PCDHGA8: variants seen among roughly 807,000 people sequenced by gnomAD.
PCDHGA8 encodes protocadherin gamma-A8.
PCDHGA8 carries 45 observed loss-of-function variants against 59.2 expected under a neutral mutation model. The ratio of observed to expected loss-of-function variants is 0.76; its 90% CI spans 0.60 to 0.98. PCDHGA8 has a LOEUF of 0.98. Ranked by LOEUF, PCDHGA8 falls within the 50% of genes least tolerant of loss-of-function variation. The pLI is 0.00. For synonymous variants in PCDHGA8, 531 were observed against 519.0 expected (o/e 1.02, Z -0.32); for missense variants, 1,257 against 1,196.2 (o/e 1.05, Z -0.75).
At chr5:141,457,736 T>G (rs1265562501) in intron 1 of PCDHGA8, among the ~76,000 whole-genome samples, 1 of 152,254 alleles carries the variant, frequency 6.6e-6, no homozygotes, top group African/African-American at 2.4e-5. Flanking sequence ...AGATTAGACT[T>G]TTAAAGCTGA....
intron 1 of PCDHGA8, chr5:141,441,206 C>T (rs750648706): frequency 3.3e-5 from 5 of 152,150 alleles, no homozygotes; most frequent in African/African-American, 4.8e-5. Context: ...GATTCTGCAC[C>T]TTGGACAGTA....
chr5:141,494,729 C>T (rs2099756368), intron 1 of PCDHGA8, 78 bp from the exon 2 acceptor site: 31 of 1,610,050 alleles, frequency 1.9e-5, no homozygotes, highest in Admixed American at 3.3e-5. Flanking sequence ...CCTTCTCTCC[C>T]GGCCCATCCC....
intron 1 of PCDHGA8, among the ~76,000 whole-genome samples, chr5:141,483,725 C>T (rs903001715): frequency 1.3e-5 from 2 of 152,008 alleles, no homozygotes; most frequent in Non-Finnish European, 1.5e-5. Context: ...TGGTTCCCAC[C>T]ATAGTCAAAA....
intron 1 of PCDHGA8, among the ~76,000 whole-genome samples, chr5:141,465,140 G>A (rs1019369475): frequency 5.3e-5 from 8 of 151,554 alleles, no homozygotes; most frequent in Non-Finnish European, 7.4e-5. Context: ...AAGTTTAGGG[G>A]ATATATGAAG....
intron 1 of PCDHGA8, chr5:141,399,730 T>G: frequency 2.5e-6 from 4 of 1,613,266 alleles, no homozygotes; most frequent in Non-Finnish European, 8.5e-7. Context: ...CGACCAGGGC[T>G]CGCCTGCGCT....
At chr5:141,408,115 C>T (rs2095044760) in intron 1 of PCDHGA8, 1 of 1,461,312 alleles carries the variant, frequency 6.8e-7, no homozygotes, top group Non-Finnish European at 9.1e-7. Context: ...GGGACTCCTC[C>T]TGTCCTGGGC....
chr5:141,420,076 T>TC, intron 1 of PCDHGA8: 1 of 1,613,956 alleles, frequency 6.2e-7, no homozygotes, highest in Non-Finnish European at 8.5e-7. Context: ...GACCTGTGGG[T>TC]CCCCCCAACT....
At chr5:141,418,621 C>G (rs765634746) in intron 1 of PCDHGA8, 2 of 1,613,916 alleles carry the variant, frequency 1.2e-6, no homozygotes, top group Non-Finnish European at 1.7e-6. Flanking sequence ...TTCGGGAAGA[C>G]GTGCCTCCAG....
chr5:141,489,151 A>G lies in PCDHGA8; in HGVS notation c.2425-5656A>G. On this transcript the variant is annotated intron_variant, in intron 1 of 3. Transcript: ENST00000398604. This position sits in a 1 kb window ranked among gnomAD's most constrained non-coding sequence, Gnocchi z 4.5. ...TTTTTAAGAGGCTGGAAGGAGACAT[A>G]AGAGACTTCAGCTGCTGCATTCCAA... is the stretch of plus-strand genomic sequence containing the variant. The G allele has an allele frequency of 4.3e-6, 4 of 932,968 alleles. No individual in the cohort carries two copies. Among genetic ancestry groups the G allele is most frequent in the Non-Finnish European group, 6.4e-6 (4 of 622,052 alleles). 57.8% of individuals were successfully genotyped at this position (932,968 alleles called of 1,614,324 possible).
Position 141,393,579 on chromosome 5 carries a change from C to A in PCDHGA8, c.766C>A (p.Pro256Thr). ...CCGAGTGAAAGTCCTTGAGAACATG[C>A]CCCCAGGCACGCGGCTGCTTACTGT... ...IYRVKVLENM[P>T]PGTRLLTVTA... The change falls in exon 1 of 4, where the codon CCC (proline) becomes ACC (threonine). Residue 256 changes from proline to threonine, a missense_variant. Physicochemically the swap from Pro to Thr is conservative, Grantham distance 38 (BLOSUM62 -1). Coordinates refer to ENST00000398604, the MANE Select transcript of PCDHGA8 (RefSeq NM_032088.2). 1 of 1,613,888 alleles carries A rather than the reference C, an allele frequency of 6.2e-7. No homozygotes were observed. The highest frequency in any genetic ancestry group is 1.1e-5 in the South Asian group (1 of 91,078).
intron 2 of PCDHGA8, among the ~76,000 whole-genome samples, chr5:141,499,573 A>AT (rs2099792803): frequency 1.3e-5 from 2 of 152,108 alleles, no homozygotes; most frequent in Non-Finnish European, 2.9e-5. Context: ...AGCTTCAACT[A>AT]ATGCCTTATC....
At chr5:141,494,680 C>A in intron 1 of PCDHGA8, 127 bp from the exon 2 acceptor site, 1 of 1,560,094 alleles carries the variant, frequency 6.4e-7, no homozygotes, top group Non-Finnish European at 8.7e-7. Flanking sequence ...CCACCCCTGC[C>A]CCCTCTTAGT....
intron 1 of PCDHGA8, among the ~76,000 whole-genome samples, chr5:141,472,242 A>T (rs1342571385): frequency 6.6e-6 from 1 of 152,186 alleles, no homozygotes; most frequent in East Asian, 1.9e-4. Flanking sequence ...TTCACTTTCT[A>T]TTTTAAAGTT....
intron 1 of PCDHGA8, among the ~76,000 whole-genome samples, chr5:141,462,769 G>T (rs1462290112): frequency 6.6e-6 from 1 of 151,956 alleles, no homozygotes; most frequent in African/African-American, 2.4e-5. Flanking sequence ...TCCTGGCTTG[G>T]GGTCATAATT....
chr5:141,392,693 C>T lies in PCDHGA8; in HGVS notation c.-121C>T, dbSNP rs1315405629. ...CTGCTGGACTGCAGCGAAACCCGAC[C>T]CCTGTTTGGAGGCACTCCAGGTTTC... is the stretch of plus-strand genomic sequence containing the variant. On this transcript the variant is annotated 5_prime_UTR_variant, in exon 1 of 4. Transcript: ENST00000398604. 4.3e-6 allele frequency: 5 copies of T among 1,161,626 alleles called. No individual in the cohort carries two copies. The highest frequency in any genetic ancestry group is 5.8e-6 in the Non-Finnish European group (5 of 855,996). The allele number at this position is 1,161,626 out of a possible 1,614,324, so 72.0% of individuals were successfully genotyped here.
chr5:141,399,991 G>C, intron 1 of PCDHGA8: 1 of 1,612,422 alleles, frequency 6.2e-7, no homozygotes, highest in Non-Finnish European at 8.5e-7. Context: ...CACAGGAGAG[G>C]TGCGCACAGC....
intron 1 of PCDHGA8, among the ~76,000 whole-genome samples, chr5:141,463,438 CTTTTT>C (rs71576115): frequency 7.7e-5 from 8 of 103,256 alleles, no homozygotes; most frequent in African/African-American, 2.7e-4. Flanking sequence ...TTTCCTTCTC[CTTTTT>C]TTTTTTTTTT....
chr5:141,470,488 T>A (rs2099231812), intron 1 of PCDHGA8, among the ~76,000 whole-genome samples: 2 of 152,234 alleles, frequency 1.3e-5, no homozygotes, highest in South Asian at 4.1e-4. Flanking sequence ...CCTCTGGGAA[T>A]AATATTAGGT....
chr5:141,412,285 C>T (rs957716949), intron 1 of PCDHGA8: 3 of 152,194 alleles, frequency 2.0e-5, no homozygotes, highest in Non-Finnish European at 4.4e-5. Context: ...TCAAATTCTA[C>T]GTATTTCTTT....
Sources: gnomAD v4.1 joint callset for allele counts (sites outside exome capture counted in the v4.1 genomes callset) on GRCh38, gnomAD v4.1.1 for gene constraint, Gnocchi (gnomAD v3.1) non-coding constraint, MANE v1.5 for transcripts, NCBI Gene and HGNC (gene_info 2026-07-23, HGNC 2026-07-21) for gene names.